The following KIF13B variants were observed in gnomAD, a reference collection of about 807,000 sequenced individuals.
The protein encoded by KIF13B is kinesin family member 13B.
A neutral mutation model predicts 222.0 loss-of-function variants in KIF13B; 127 were observed. The observed-to-expected ratio is 0.57, with a 90% CI of 0.50 to 0.66. KIF13B has a LOEUF of 0.66. KIF13B is among the 30% of genes least tolerant of loss of function. The probability of loss-of-function intolerance (pLI) is 0.00; values close to 1 mark genes in which losing one functional copy is unlikely to be tolerated. For missense variants in KIF13B, 2,173 were observed against 2,379.0 expected (o/e 0.91, Z 1.80); for synonymous variants, 976 against 919.0 (o/e 1.06, Z -1.12).
rs572366283 is a variant in KIF13B, at chr8:29,099,196, T to G, written c.4261A>C (p.Arg1421=). ...AGGGCGGGGGCAGGAGCTATTCCTC[T>G]GGAAACTGTGGTTTGGGATACATCC... is the stretch of plus-strand genomic sequence containing the variant. The part of the protein sequence containing the change: ...QQDVSQTTVS[R]GIAPAPALSV... Residue 1421 remains arginine, a synonymous_variant, in exon 36 of 40, where the codon AGA becomes CGA. Coordinates refer to ENST00000524189, the MANE Select transcript of KIF13B (RefSeq NM_015254.4). The G allele has an allele frequency of 1.4e-4, 222 of 1,613,738 alleles. 1 individual carries two copies. In the East Asian group the frequency reaches 3.7e-3, roughly 27 times the overall value.
chr8:29,140,739 T>C, intron 19 of KIF13B, 122 bp from the exon 20 acceptor site: 2 of 891,650 alleles, frequency 2.2e-6, no homozygotes, highest in Non-Finnish European at 3.4e-6. Context: ...AACTCTTGTA[T>C]TTTTTAGAGT....
intron 36 of KIF13B, among the ~76,000 whole-genome samples, chr8:29,097,661 A>G (rs1808594881): frequency 6.6e-6 from 1 of 152,194 alleles, no homozygotes; most frequent in Non-Finnish European, 1.5e-5. Flanking sequence ...ATTTTAAAAT[A>G]CTCTGAATAG....
At chr8:29,088,326 T>C (rs2133532560) in intron 37 of KIF13B, among the ~76,000 whole-genome samples, 1 of 152,342 alleles carries the variant, frequency 6.6e-6, no homozygotes, top group South Asian at 2.1e-4. Context: ...ATGATGGTTA[T>C]TCTTTTTTCA....
chr8:29,191,940 CTCCCACTTTGGGA>C (rs1294321647), intron 3 of KIF13B, among the ~76,000 whole-genome samples: 3 of 152,170 alleles, frequency 2.0e-5, no homozygotes, highest in African/African-American at 7.2e-5. Context: ...TTGTCACATT[CTCCCACTTTGGGA>C]GTCTGTTGCT....
At chr8:29,261,689 G>C (rs183524847) in intron 1 of KIF13B, among the ~76,000 whole-genome samples, 8 of 152,238 alleles carry the variant, frequency 5.3e-5, no homozygotes, top group Non-Finnish European at 2.9e-5. Context: ...AAGCAAAGCA[G>C]GACTCAATCT....
At position 29,228,301 on chromosome 8, in the gene KIF13B, C is replaced by CA. The variant is rs58229719; in HGVS notation, c.149+17044dup. 5.8e-3 allele frequency among the ~76,000 whole-genome samples: 854 copies of CA among 148,260 alleles called. 7 individuals are homozygous for CA. Among genetic ancestry groups the CA allele is most frequent in the African/African-American group, 0.02 (811 of 40,480 alleles). The stretch of plus-strand genomic sequence containing the variant: ...TAACACGGTGAAACCCTGTCTCTAC[C>CA]AAAAAAAATAGAGAAATTAGCCGGA... On this transcript the variant is annotated intron_variant, in intron 2 of 39. Coordinates refer to ENST00000524189, the MANE Select transcript of KIF13B (RefSeq NM_015254.4).
intron 2 of KIF13B, among the ~76,000 whole-genome samples, chr8:29,237,218 C>G (rs1277820067): frequency 6.6e-6 from 1 of 151,966 alleles, no homozygotes; most frequent in Non-Finnish European, 1.5e-5. Context: ...GTAACAATTT[C>G]TATCCTACAG....
chr8:29,078,694 ATATGAG>A (rs759753767), intron 37 of KIF13B, among the ~76,000 whole-genome samples: 6 of 152,268 alleles, frequency 3.9e-5, no homozygotes, highest in East Asian at 1.9e-4. Context: ...AGGCAAGTGA[ATATGAG>A]TATAATTATC....
intron 37 of KIF13B, 124 bp from the exon 38 acceptor site, chr8:29,075,467 G>A (rs1807514796): frequency 2.5e-6 from 2 of 791,508 alleles, no homozygotes; most frequent in Non-Finnish European, 3.9e-6. Flanking sequence ...AGGTGTGCGA[G>A]TGTGAGGGGC....
chr8:29,109,274 T>C (rs1313945400), intron 34 of KIF13B, among the ~76,000 whole-genome samples, 160 bp downstream of exon 34: 4 of 152,092 alleles, frequency 2.6e-5, no homozygotes, highest in African/African-American at 7.2e-5. Context: ...GGGGCAGAGG[T>C]GCACAGACCC....
chr8:29,126,986 CA>C, intron 25 of KIF13B, 135 bp downstream of exon 25: 6 of 843,988 alleles, frequency 7.1e-6, no homozygotes, highest in South Asian at 1.9e-5. Context: ...ATGCAAGACA[CA>C]AAAAAAGACA....
rs1807198684 is a variant in KIF13B at position 29,070,436 on chromosome 8, A to AG, written c.*67dup. On this transcript the variant is annotated 3_prime_UTR_variant, in exon 40 of 40. Coordinates refer to ENST00000524189, the MANE Select transcript of KIF13B (RefSeq NM_015254.4). This position sits in a 1 kb window ranked among gnomAD's most constrained non-coding sequence, Gnocchi z 4.1. ...GGGGCCACCGGGCTCCTGGCTCCTC[A>AG]GGGCTGTCACTGGCAGGGCTCAAAA... 1 of 1,565,712 alleles carries AG rather than the reference A, an allele frequency of 6.4e-7. No homozygotes were observed. Among genetic ancestry groups the AG allele is most frequent in the Non-Finnish European group, 8.7e-7 (1 of 1,152,490 alleles).
At position 29,222,514 on chromosome 8, in the gene KIF13B, A is replaced by T. The variant is rs201518342; in HGVS notation, c.149+22832T>A. 5.9e-5 allele frequency among the ~76,000 whole-genome samples: 4 copies of T among 67,308 alleles called. 1 individual carries two copies. Among genetic ancestry groups the T allele is most frequent in the African/African-American group, 3.1e-4 (4 of 12,808 alleles). The allele number at this position is 67,308 out of a possible 152,430, so 44.2% of individuals were successfully genotyped here. ...CTCCTGAGCTCAAGTCCCACACCTG[A>T]CTTTTTTTTTTTTTTTTTTTTTTTT... On this transcript the variant is annotated intron_variant, in intron 2 of 39. Transcript: ENST00000524189.
Position 29,070,617 on chromosome 8 carries a change from G to A in KIF13B, c.5368C>T (p.Arg1790Trp), listed in dbSNP as rs377365368. 8.9e-6 allele frequency: 14 copies of A among 1,579,376 alleles called. No individual in the cohort carries two copies. The East Asian group carries it at 1.4e-4, about 16-fold the overall frequency. ...GLRLGAPEAR[R>W]SATLSGSATN... ...GCGGAGCCCGAGAGGGTGGCGCTCC[G>A]GCGGGCCTCGGGGGCACCCAGCCGG... Residue 1790 changes from arginine to tryptophan, a missense_variant, in exon 40 of 40, where the codon CGG becomes TGG. Physicochemically the swap from Arg to Trp is moderately radical, Grantham distance 101. Around this residue, in one of 2 missense-constraint regions of KIF13B, gnomAD observed 693 missense variants for 656.2 expected, o/e 1.06. Transcript: ENST00000524189. The surrounding 1 kb of genome is among the most constrained non-coding windows in gnomAD (Gnocchi z 4.1).
Position 29,071,798 on chromosome 8 carries a change from C to T in KIF13B, c.5040G>A (p.Pro1680=). ...AGGCCAGGGCCTGTCCCCCGGCGCC[C>T]GGGGCCGGCGCATTCCCCTCGGCCC... The part of the protein sequence containing the change: ...SPGAEGNAPA[P]GAGGQALASD... The change falls in exon 39 of 40, where the codon CCG becomes CCA. Residue 1680 remains proline (P), a synonymous_variant. Coordinates refer to ENST00000524189, the MANE Select transcript of KIF13B (RefSeq NM_015254.4). The surrounding 1 kb of genome is among the most constrained non-coding windows in gnomAD (Gnocchi z 4.9). The T allele has an allele frequency of 6.5e-7, 1 of 1,546,018 alleles. No individual in the cohort carries two copies. Among genetic ancestry groups the T allele is most frequent in the South Asian group, 1.2e-5 (1 of 83,996 alleles).
intron 2 of KIF13B, among the ~76,000 whole-genome samples, chr8:29,214,040 G>T (rs562750757): frequency 6.6e-6 from 1 of 152,286 alleles, no homozygotes; most frequent in Admixed American, 6.5e-5. Context: ...GCTGTCTAGG[G>T]CATTTACCAT....
chr8:29,093,287 T>A (rs145267825), intron 36 of KIF13B, among the ~76,000 whole-genome samples: 1 of 152,312 alleles, frequency 6.6e-6, no homozygotes, highest in African/African-American at 2.4e-5. Context: ...AGGGACTATG[T>A]CTTATTCAAT....
At chr8:29,211,839 T>C (rs1056696172) in intron 2 of KIF13B, among the ~76,000 whole-genome samples, 2 of 152,238 alleles carry the variant, frequency 1.3e-5, no homozygotes, top group East Asian at 1.9e-4. Flanking sequence ...TGTTCTGTCA[T>C]ACACTTAGCA....
At chr8:29,234,271 T>C (rs1296472339) in intron 2 of KIF13B, among the ~76,000 whole-genome samples, 2 of 152,062 alleles carry the variant, frequency 1.3e-5, no homozygotes, top group Non-Finnish European at 2.9e-5. Context: ...AACCCAAGTG[T>C]CCGTCGGCCG....
Sources: allele counts gnomAD v4.1 joint callset (sites outside exome capture counted in the v4.1 genomes callset), GRCh38; gene constraint gnomAD v4.1.1; regional missense constraint gnomAD v4.1.1; non-coding constraint Gnocchi (gnomAD v3.1); transcripts MANE v1.5; gene names NCBI Gene and HGNC (gene_info 2026-07-23, HGNC 2026-07-21).